The following USH2A variants were observed in gnomAD, a reference collection of about 807,000 sequenced individuals.
The protein encoded by USH2A is Usher syndrome 2A (autosomal recessive, mild).
A neutral mutation model predicts 538.9 loss-of-function variants in USH2A; 443 were observed. The observed-to-expected ratio is 0.82, with a 90% CI of 0.76 to 0.89. The LOEUF (loss-of-function observed/expected upper bound fraction) is 0.89. Among genes scored for constraint, USH2A ranks in the 40% least tolerant of loss-of-function variants. The pLI is 0.00. For synonymous variants in USH2A, 2,413 were observed against 2,273.5 expected (o/e 1.06, Z -1.75); for missense variants, 6,633 against 6,324.8 (o/e 1.05, Z -1.65).
intron 4 of USH2A, among the ~76,000 whole-genome samples, chr1:216,351,824 C>A (rs1008231604): frequency 6.1e-5 from 9 of 148,484 alleles, no homozygotes; most frequent in Non-Finnish European, 1.3e-4. Flanking sequence ...CTAACACCAA[C>A]AAGATTTTGC....
At chr1:216,015,513 A>C (rs1668687640) in intron 32 of USH2A, among the ~76,000 whole-genome samples, 1 of 152,182 alleles carries the variant, frequency 6.6e-6, no homozygotes, top group South Asian at 2.1e-4. Context: ...TGGCCAGATG[A>C]GCAATTAACC....
chr1:215,890,804 A>G (rs1321481276), intron 40 of USH2A, among the ~76,000 whole-genome samples: 1 of 152,164 alleles, frequency 6.6e-6, no homozygotes, highest in African/African-American at 2.4e-5. Flanking sequence ...CTTGTAAGAT[A>G]TCAATGTTGT....
chr1:216,397,473 T>C (rs1440318779), intron 3 of USH2A, among the ~76,000 whole-genome samples: 2 of 152,210 alleles, frequency 1.3e-5, no homozygotes, highest in African/African-American at 4.8e-5. Flanking sequence ...GAGAAAGACC[T>C]ACCCTCAATG....
In USH2A at chr1:216,282,209, G is replaced by T. The variant is rs182550250; in HGVS notation, c.1971+7071C>A. 4.9e-3 allele frequency among the ~76,000 whole-genome samples: 752 copies of T among 152,042 alleles called. 7 individuals are homozygous for T. The highest frequency in any genetic ancestry group is 0.018 in the African/African-American group (733 of 41,480). On this transcript the variant is annotated intron_variant, in intron 11 of 71. Coordinates refer to ENST00000307340, the MANE Select transcript of USH2A (RefSeq NM_206933.4). ...GTTTATTTCACTTTCTTGTTGGTGT[G>T]CTTTGAAATATTAATTCTAATGAAG...
Position 215,877,864 on chromosome 1 carries a change from G to C in USH2A, c.8575C>G (p.Arg2859Gly). ...GATGCAAGTGGCTGCTGGATTTTAC[G>C]TCTCAGAAGCTCATATCTAAAGCAA... is the stretch of plus-strand genomic sequence containing the variant. ...GPNLRYELLRRKIQQPLASNP... is the reference protein window; with the variant it reads ...GPNLRYELLRGKIQQPLASNP... The change falls in exon 43 of 72, where the codon CGT (arginine) becomes GGT (glycine). Residue 2859 changes from arginine (R) to glycine (G), a missense_variant. By Grantham distance (125) the Arg-to-Gly change is moderately radical (BLOSUM62 -2). Coordinates refer to ENST00000307340, the MANE Select transcript of USH2A (RefSeq NM_206933.4). 6.2e-7 allele frequency: 1 copy of C among 1,613,632 alleles called. No homozygotes were observed. Among genetic ancestry groups the C allele is most frequent in the Non-Finnish European group, 8.5e-7 (1 of 1,179,664 alleles).
chr1:216,309,594 T>A (rs2037383872), intron 9 of USH2A, among the ~76,000 whole-genome samples: 1 of 152,080 alleles, frequency 6.6e-6, no homozygotes, highest in Non-Finnish European at 1.5e-5. Context: ...TGAAAAGGAG[T>A]GCTGAGAGGA....
At position 215,856,854 on chromosome 1, in the gene USH2A, TGTGTG is replaced by T. The variant is rs1404041866; in HGVS notation, c.8845+10148_8845+10152del. Among the ~76,000 whole-genome samples, 7 of 151,584 alleles carry T rather than the reference TGTGTG, an allele frequency of 4.6e-5. No homozygotes were observed. The East Asian group carries it at 1.4e-3, about 29-fold the overall frequency. ...TTTGGTGTGTGTGTGTGTGTGTGTG[TGTGTG>T]TGTGTGTGTGTGTGTGTGTATCAGC... On this transcript the variant is annotated intron_variant, in intron 44 of 71. Transcript: ENST00000307340.
intron 33 of USH2A, among the ~76,000 whole-genome samples, chr1:215,999,411 C>A (rs1668214933): frequency 6.6e-6 from 1 of 152,028 alleles, no homozygotes; most frequent in Admixed American, 6.6e-5. Context: ...ATATAATTGT[C>A]CTGGAAAATC....
At chr1:216,042,193 G>A (rs1044003030) in intron 32 of USH2A, among the ~76,000 whole-genome samples, 2 of 151,964 alleles carry the variant, frequency 1.3e-5, no homozygotes. Context: ...AAGGGAATAT[G>A]TATTCAATAT....
At position 216,072,417 on chromosome 1, in the gene USH2A, C is replaced by T. The variant is rs58436303; in HGVS notation, c.5857+472G>A. Reference sequence around the variant, plus strand: ...ATTCTAAGATTCTAATAGTCAACAACGGGGCAAACATCTGCAATGATGTCA... The same window carrying T: ...ATTCTAAGATTCTAATAGTCAACAATGGGGCAAACATCTGCAATGATGTCA... On this transcript the variant is annotated intron_variant, in intron 29 of 71. Transcript: ENST00000307340. The T allele has an allele frequency of 8.4e-4, 179 of 213,578 alleles. 1 individual carries two copies. Among genetic ancestry groups the T allele is most frequent in the Middle Eastern group, 1.9e-3 (1 of 518 alleles). The allele number at this position is 213,578 out of a possible 1,614,324, so 13.2% of individuals were successfully genotyped here.
intron 61 of USH2A, among the ~76,000 whole-genome samples, chr1:215,681,882 C>A (rs1291965302): frequency 6.6e-6 from 1 of 152,162 alleles, no homozygotes; most frequent in African/African-American, 2.4e-5. Context: ...CTCTTGAAAT[C>A]TTTTAATATT....
At position 215,648,776 on chromosome 1, in the gene USH2A, G is replaced by A; in HGVS notation, c.14344-10C>T. 1 of 1,611,212 alleles carries A rather than the reference G, an allele frequency of 6.2e-7. No homozygotes were observed. Among genetic ancestry groups the A allele is most frequent in the Non-Finnish European group, 8.5e-7 (1 of 1,177,510 alleles). ...CCATGCCTTCGGATAGCTGTGGAAG[G>A]AAGGAAGGCTAGATAAAGGCAGTGT... On this transcript the variant is annotated splice_polypyrimidine_tract_variant and intron_variant, in intron 65 of 71. Coordinates refer to ENST00000307340, the MANE Select transcript of USH2A (RefSeq NM_206933.4).
chr1:216,043,726 C>T (rs1259016693), intron 32 of USH2A, among the ~76,000 whole-genome samples: 1 of 152,124 alleles, frequency 6.6e-6, no homozygotes, highest in East Asian at 1.9e-4. Context: ...CCTCTCCCTA[C>T]ACTGCCCTTT....
intron 13 of USH2A, among the ~76,000 whole-genome samples, chr1:216,237,857 T>C (rs1344847686): frequency 6.6e-6 from 1 of 152,210 alleles, no homozygotes; most frequent in African/African-American, 2.4e-5. Context: ...TTGTGGTCTG[T>C]ATTTCCTGTG....
intron 13 of USH2A, among the ~76,000 whole-genome samples, chr1:216,237,724 G>A (rs982548173): frequency 3.9e-5 from 6 of 152,174 alleles, no homozygotes; most frequent in South Asian, 4.2e-4. Flanking sequence ...GGCACACAGC[G>A]GACTCTCAGT....
intron 2 of USH2A, among the ~76,000 whole-genome samples, chr1:216,420,972 C>A (rs2039667133): frequency 6.6e-6 from 1 of 152,086 alleles, no homozygotes; most frequent in Non-Finnish European, 1.5e-5. Flanking sequence ...AACGCTGTCA[C>A]ACACAGAAAA....
chr1:215,640,694 C>T lies in USH2A; in HGVS notation c.14832G>A (p.Leu4944=), dbSNP rs556415914. The T allele has an allele frequency of 6.2e-7, 1 of 1,613,692 alleles. No individual in the cohort carries two copies. The highest frequency in any genetic ancestry group is 8.5e-7 in the Non-Finnish European group (1 of 1,179,960). ...CACTCCAGTTCACACACACCACAGACAAATTGCTGTCCACCGAAAATGGGG... is the reference window on the plus strand; with the variant it reads ...CACTCCAGTTCACACACACCACAGATAAATTGCTGTCCACCGAAAATGGGG... ...YRAPFSVDSN[L]SVVCVNWSDT... The change falls in exon 68 of 72, where the codon TTG becomes TTA. Residue 4944 remains leucine, a synonymous_variant. Transcript: ENST00000307340.
At chr1:215,819,670 A>G (rs1357435214) in intron 47 of USH2A, among the ~76,000 whole-genome samples, 1 of 151,840 alleles carries the variant, frequency 6.6e-6, no homozygotes, top group Non-Finnish European at 1.5e-5. Flanking sequence ...TTATCCACAA[A>G]AGCTCGTGAA....
At chr1:215,814,114 A>AC (rs1335075632) in intron 48 of USH2A, among the ~76,000 whole-genome samples, 1 of 149,860 alleles carries the variant, frequency 6.7e-6, no homozygotes, top group African/African-American at 2.4e-5. Context: ...GAAGTCTTCA[A>AC]CCATGCTTTG....
Sources: allele counts gnomAD v4.1 joint callset (sites outside exome capture counted in the v4.1 genomes callset), GRCh38; gene constraint gnomAD v4.1.1; transcripts MANE v1.5; gene names NCBI Gene and HGNC (gene_info 2026-07-23, HGNC 2026-07-21).